FXYD2: variants seen among roughly 807,000 people sequenced by gnomAD.
The protein encoded by FXYD2 is FXYD domain containing ion transport regulator 2, also known as sodium/potassium-transporting ATPase subunit gamma.
Under a neutral mutation model 11.8 loss-of-function variants are expected in FXYD2, and 8 were observed. The observed-to-expected ratio is 0.68, with a 90% CI of 0.40 to 1.22. The LOEUF (loss-of-function observed/expected upper bound fraction) is 1.22. Among genes scored for constraint, FXYD2 ranks in the 50% most tolerant of loss-of-function variants. FXYD2 has a pLI of 0.01. For missense variants in FXYD2, 92 were observed against 91.8 expected, an observed-to-expected ratio of 1.00 and a Z score of -0.01; for synonymous variants, 42 against 33.3, an observed-to-expected ratio of 1.26 and a Z score of -0.90.
rs1256378580 is a variant in FXYD2, at chr11:117,824,618, T to C, written c.25+36A>G. On this transcript the variant is annotated intron_variant, in intron 1 of 5. Coordinates refer to ENST00000292079, the MANE Select transcript of FXYD2 (RefSeq NM_001680.5). This position sits in a 1 kb window ranked among gnomAD's most constrained non-coding sequence, Gnocchi z 4.0. Reference sequence around the variant, plus strand: ...GCAGGCCAATCAGAGCCACCCAGCATTGCACACGCCCGGGCACGCACACCA... The same window carrying C: ...GCAGGCCAATCAGAGCCACCCAGCACTGCACACGCCCGGGCACGCACACCA... The C allele has an allele frequency of 1.9e-6, 3 of 1,573,984 alleles. No individual in the cohort carries two copies. Among genetic ancestry groups the C allele is most frequent in the South Asian group, 1.1e-5 (1 of 90,216 alleles).
upstream of FXYD2, among the ~76,000 whole-genome samples, chr11:117,826,401 C>T (rs2056036591): frequency 6.6e-6 from 1 of 152,184 alleles, no homozygotes; most frequent in Non-Finnish European, 1.5e-5. Context: ...TGCACTGCAT[C>T]ACTTAATTCC....
upstream of FXYD2, among the ~76,000 whole-genome samples, chr11:117,827,122 AG>A (rs1420962449): frequency 1.0e-3 from 146 of 143,072 alleles, no homozygotes; most frequent in Admixed American, 2.0e-3. Context: ...ATAGATAGAT[AG>A]ATAGATAGAT....
upstream of FXYD2, among the ~76,000 whole-genome samples, chr11:117,825,458 G>A (rs1406685662): frequency 6.6e-6 from 1 of 152,218 alleles, no homozygotes; most frequent in African/African-American, 2.4e-5. Flanking sequence ...GATCCTTAAG[G>A]ACAGGGCAAG....
upstream of FXYD2, among the ~76,000 whole-genome samples, chr11:117,826,244 G>T (rs1000820143): frequency 6.6e-6 from 1 of 152,170 alleles, no homozygotes; most frequent in African/African-American, 2.4e-5. Flanking sequence ...TGAGTGAGAC[G>T]GAGAGAATGG....
At chr11:117,821,488 G>A in intron 3 of FXYD2, 5 of 986,172 alleles carry the variant, frequency 5.1e-6, no homozygotes, top group Non-Finnish European at 6.0e-6. Flanking sequence ...AGCAGAGACT[G>A]GGCCATCATG....
At chr11:117,825,990 A>AC (rs2056027942), upstream of FXYD2, among the ~76,000 whole-genome samples, 1 of 151,864 alleles carries the variant, frequency 6.6e-6, no homozygotes, top group African/African-American at 2.4e-5. Flanking sequence ...CAATGACTTC[A>AC]CCTCTCTGTG....
intron 3 of FXYD2, chr11:117,821,113 G>A: frequency 1.0e-5 from 5 of 486,560 alleles, no homozygotes; most frequent in South Asian, 1.0e-4. Context: ...CTGGAGTGCA[G>A]TGGTGGGATC....
Position 117,822,238 on chromosome 11 carries a change from CA to C in FXYD2, c.139+167del. On this transcript the variant is annotated intron_variant, in intron 3 of 5. Coordinates refer to ENST00000292079, the MANE Select transcript of FXYD2 (RefSeq NM_001680.5). The surrounding 1 kb of genome is among the most constrained non-coding windows in gnomAD (Gnocchi z 4.7). Reference sequence around the variant, plus strand: ...AAGCAGGAACCTCACACTGTGCTCCCAGCGAGCCTGGCACCCCACCGGGCAC... The same window carrying C: ...AAGCAGGAACCTCACACTGTGCTCCCGCGAGCCTGGCACCCCACCGGGCAC... 1 of 1,507,768 alleles carries C rather than the reference CA, an allele frequency of 6.6e-7. No individual in the cohort carries two copies. The highest frequency in any genetic ancestry group is 8.9e-7 in the Non-Finnish European group (1 of 1,128,728). 93.4% of individuals were successfully genotyped at this position (1,507,768 alleles called of 1,614,324 possible). A position where few individuals can be genotyped will look rare whatever the true frequency, so the allele number is the denominator to read the frequency against.
At chr11:117,827,079 AATAGAGAGATAG>A (rs1209916122), upstream of FXYD2, among the ~76,000 whole-genome samples, 10 of 132,210 alleles carry the variant, frequency 7.6e-5, no homozygotes, top group South Asian at 2.6e-4. Context: ...TAGATAGATA[AATAGAGAGATAG>A]ATAGATAGAT....
In FXYD2 at chr11:117,822,176, C is replaced by T; in HGVS notation, c.139+230G>A. On this transcript the variant is annotated intron_variant, in intron 3 of 5. Coordinates refer to ENST00000292079, the MANE Select transcript of FXYD2 (RefSeq NM_001680.5). This position sits in a 1 kb window ranked among gnomAD's most constrained non-coding sequence, Gnocchi z 4.7. ...CCCCGTGGGTTTGCTCTCACTTCTG[C>T]GGCTCCTCCCGGGCCCACTGGAGGG... 6.3e-6 allele frequency: 9 copies of T among 1,429,668 alleles called. No homozygotes were observed. The highest frequency in any genetic ancestry group is 2.9e-5 in the South Asian group (2 of 68,864). The allele number at this position is 1,429,668 out of a possible 1,614,324, so 88.6% of individuals were successfully genotyped here.
intron 5 of FXYD2, 53 bp from the exon 6 acceptor site, chr11:117,820,425 T>C: frequency 3.6e-6 from 2 of 561,562 alleles, no homozygotes; most frequent in Non-Finnish European, 6.2e-6. Context: ...GAGGTTGGGG[T>C]TTTACTTCCC....
intron 3 of FXYD2, chr11:117,821,301 T>G (rs1444516036): frequency 2.1e-6 from 2 of 949,648 alleles, no homozygotes; most frequent in African/African-American, 3.5e-5. Flanking sequence ...TCTCAAGAGA[T>G]CCTCCTGCCT....
At chr11:117,827,028 G>C (rs188589025), upstream of FXYD2, among the ~76,000 whole-genome samples, 14 of 151,942 alleles carry the variant, frequency 9.2e-5, no homozygotes, top group African/African-American at 1.4e-4. Context: ...CCCACTGCGG[G>C]GGGGAGGAGG....
rs1008211630 is a variant in FXYD2 at position 117,820,752 on chromosome 11, G to A, written c.177-56C>T. 1.5e-5 allele frequency: 25 copies of A among 1,613,120 alleles called. No individual in the cohort carries two copies. The Admixed American group carries it at 3.8e-4, about 25-fold the overall frequency. On this transcript the variant is annotated intron_variant, in intron 4 of 5. Coordinates refer to ENST00000292079, the MANE Select transcript of FXYD2 (RefSeq NM_001680.5). ...AGGGCAGGGGGAGGGGTGGGTCTAG[G>A]GATCTCTGAGGCTGGGGATCCTCCA...
At position 117,824,641 on chromosome 11, in the gene FXYD2, C is replaced by A; in HGVS notation, c.25+13G>T. 2 of 1,612,426 alleles carry A rather than the reference C, an allele frequency of 1.2e-6. No individual in the cohort carries two copies. The highest frequency in any genetic ancestry group is 1.7e-6 in the Non-Finnish European group (2 of 1,178,546). On this transcript the variant is annotated intron_variant, in intron 1 of 5. Transcript: ENST00000292079. This position sits in a 1 kb window ranked among gnomAD's most constrained non-coding sequence, Gnocchi z 4.0. ...CATTGCACACGCCCGGGCACGCACA[C>A]CAGCACACTCACCACCGTCCATCGA... is the stretch of plus-strand genomic sequence containing the variant.
chr11:117,824,756 C>T (rs1165792485), upstream of FXYD2: 14 of 1,574,820 alleles, frequency 8.9e-6, no homozygotes, highest in Admixed American at 3.6e-5. The surrounding 1 kb of genome is among the most constrained non-coding windows in gnomAD (Gnocchi z 4.0). Flanking sequence ...GCTGCCTCCA[C>T]GGGGTGGCCG....
chr11:117,828,038 G>T (rs771177698), upstream of FXYD2: 11 of 1,550,540 alleles, frequency 7.1e-6, no homozygotes, highest in East Asian at 2.7e-4. Flanking sequence ...GTTGTGTCCA[G>T]GAGTGCAGGA....
Position 117,822,579 on chromosome 11 carries a change from G to T in FXYD2, c.65-99C>A. 6.4e-7 allele frequency: 1 copy of T among 1,567,542 alleles called. No individual in the cohort carries two copies. The highest frequency in any genetic ancestry group is 8.7e-7 in the Non-Finnish European group (1 of 1,155,896). On this transcript the variant is annotated intron_variant, in intron 2 of 5. Transcript: ENST00000292079. This position sits in a 1 kb window ranked among gnomAD's most constrained non-coding sequence, Gnocchi z 4.7. The stretch of plus-strand genomic sequence containing the variant: ...GCAGCAGCCCGTGGTAACCAGGGGA[G>T]ATAAGGGGCACAGAGCATGGACCTG...
At position 117,822,302 on chromosome 11, in the gene FXYD2, G is replaced by C. The variant is rs1461774130; in HGVS notation, c.139+104C>G. The C allele has an allele frequency of 1.3e-6, 2 of 1,546,332 alleles. No individual in the cohort carries two copies. The highest frequency in any genetic ancestry group is 2.0e-5 in the Admixed American group (1 of 50,974). On this transcript the variant is annotated intron_variant, in intron 3 of 5. Transcript: ENST00000292079. The surrounding 1 kb of genome is among the most constrained non-coding windows in gnomAD (Gnocchi z 4.7). ...CCTGCAGTGGGGGGCGTGGTGGGGAGGCTCACCCCTCCCTTGGCAACTCCC... is the reference window on the plus strand; with the variant it reads ...CCTGCAGTGGGGGGCGTGGTGGGGACGCTCACCCCTCCCTTGGCAACTCCC...
Sources: gnomAD v4.1 joint callset for allele counts (sites outside exome capture counted in the v4.1 genomes callset) on GRCh38, gnomAD v4.1.1 for gene constraint, Gnocchi (gnomAD v3.1) non-coding constraint, MANE v1.5 for transcripts, NCBI Gene and HGNC (gene_info 2026-07-23, HGNC 2026-07-21) for gene names.